CUL4A: variants seen among roughly 807,000 people sequenced by gnomAD.
CUL4A encodes the protein cullin 4A.
CUL4A carries 16 observed loss-of-function variants against 95.5 expected under a neutral mutation model. The ratio of observed to expected loss-of-function variants is 0.17; its 90% CI spans 0.11 to 0.25. The LOEUF (loss-of-function observed/expected upper bound fraction) is 0.25. Ranked by LOEUF, CUL4A falls within the 10% of genes least tolerant of loss-of-function variation. The pLI, the probability that CUL4A is intolerant of heterozygous loss-of-function variation, is 1.00. For missense variants in CUL4A, 610 were observed against 937.0 expected, an observed-to-expected ratio of 0.65 and a Z score of 4.56; for synonymous variants, 380 against 353.1, an observed-to-expected ratio of 1.08 and a Z score of -0.85.
upstream of CUL4A, chr13:113,209,491 T>C (rs986132214): frequency 1.4e-5 from 5 of 358,684 alleles, no homozygotes; most frequent in Non-Finnish European, 1.9e-5. Flanking sequence ...GCGGCGGCGG[T>C]TGGGCTCGGG....
chr13:113,251,332 C>T (rs1180699271), intron 15 of CUL4A, among the ~76,000 whole-genome samples: 4 of 152,136 alleles, frequency 2.6e-5, no homozygotes, highest in Admixed American at 6.5e-5. Context: ...GTGGAATGAT[C>T]GACTGAACTG....
At chr13:113,245,377 C>A in intron 14 of CUL4A, 140 bp downstream of exon 14, 1 of 735,850 alleles carries the variant, frequency 1.4e-6, no homozygotes. Flanking sequence ...CCCTGATCAA[C>A]ATAGCAAGAC....
Position 113,265,873 on chromosome 13 carries a change from G to T in CUL4A, c.*2291G>T, listed in dbSNP as rs1595445444. On this transcript the variant is annotated 3_prime_UTR_variant, in exon 20 of 20. Transcript: ENST00000375440. ...TGGAAAGGAGAAGGTGAAATTACTTGCAGGTTAGATGGTTGCATACCCAGG... is the reference window on the plus strand; with the variant it reads ...TGGAAAGGAGAAGGTGAAATTACTTTCAGGTTAGATGGTTGCATACCCAGG... 2 of 152,202 alleles carry T rather than the reference G, an allele frequency of 1.3e-5. No individual in the cohort carries two copies. Among genetic ancestry groups the T allele is most frequent in the Non-Finnish European group, 2.9e-5 (2 of 68,028 alleles). 9.4% of individuals were successfully genotyped at this position (152,202 alleles called of 1,614,324 possible).
At chr13:113,210,972 T>A (rs2040412660) in intron 2 of CUL4A, among the ~76,000 whole-genome samples, 1 of 152,344 alleles carries the variant, frequency 6.6e-6, no homozygotes, top group African/African-American at 2.4e-5. Context: ...TTACCAGCTT[T>A]GAGATAGAGT....
At position 113,237,255 on chromosome 13, in the gene CUL4A, C is replaced by T. The variant is rs144506038; in HGVS notation, c.916+365C>T. On this transcript the variant is annotated intron_variant, in intron 9 of 19. Coordinates refer to ENST00000375440, the MANE Select transcript of CUL4A (RefSeq NM_001008895.4). ...CATGCACACTCGGATGTAGGGGACTCGGGGAGCTGTTCGGGCTGTTAGATT... is the reference window on the plus strand; with the variant it reads ...CATGCACACTCGGATGTAGGGGACTTGGGGAGCTGTTCGGGCTGTTAGATT... Among the ~76,000 whole-genome samples, 605 of 152,290 alleles carry T rather than the reference C, an allele frequency of 4.0e-3. 1 individual carries two copies. The highest frequency in any genetic ancestry group is 0.01 in the Middle Eastern group (3 of 294).
chr13:113,227,920 AAAG>A, intron 3 of CUL4A, 53 bp from the exon 4 acceptor site: 1 of 1,220,404 alleles, frequency 8.2e-7, no homozygotes, highest in South Asian at 1.3e-5. Flanking sequence ...AAAAAAAAAA[AAAG>A]GTAATAATTA....
intron 2 of CUL4A, among the ~76,000 whole-genome samples, chr13:113,215,783 G>GCCA (rs2040654218): frequency 2.3e-5 from 2 of 85,830 alleles, no homozygotes; most frequent in African/African-American, 3.8e-5. Flanking sequence ...GGTCTCGTCT[G>GCCA]TGTGGCTGTG....
chr13:113,252,635 A>G (rs992882674), intron 15 of CUL4A, among the ~76,000 whole-genome samples: 1 of 152,264 alleles, frequency 6.6e-6, no homozygotes, highest in Non-Finnish European at 1.5e-5. Context: ...CAGCCCCTGC[A>G]CAGTGCAACG....
rs560677753 is a variant in CUL4A, at chr13:113,229,314, A to G, written c.439-132A>G. 89 of 687,656 alleles carry G rather than the reference A, an allele frequency of 1.3e-4. No homozygotes were observed. In the South Asian group the frequency reaches 1.5e-3, roughly 12 times the overall value. The allele number at this position is 687,656 out of a possible 1,614,324, so 42.6% of individuals were successfully genotyped here. A position where few individuals can be genotyped will look rare whatever the true frequency, so the allele number is the denominator to read the frequency against. ...AAAATTAACTTTAGAAAAAAAAAATAAAACATGAGGGCTGTGGTGGACAGG... is the reference window on the plus strand; with the variant it reads ...AAAATTAACTTTAGAAAAAAAAAATGAAACATGAGGGCTGTGGTGGACAGG... On this transcript the variant is annotated intron_variant, in intron 4 of 19. Transcript: ENST00000375440.
intron 7 of CUL4A, among the ~76,000 whole-genome samples, chr13:113,234,472 G>C (rs751608391): frequency 6.6e-6 from 1 of 152,154 alleles, no homozygotes; most frequent in South Asian, 2.1e-4. Flanking sequence ...CAAATGGTGC[G>C]TGCTACTGCC....
chr13:113,209,048 G>C (rs996415113), upstream of CUL4A: 6 of 315,448 alleles, frequency 1.9e-5, no homozygotes, highest in African/African-American at 1.2e-4. Context: ...AGGAGGGGGA[G>C]GGGGAGGGAC....
At chr13:113,246,106 C>G in intron 15 of CUL4A, 43 bp downstream of exon 15, 1 of 1,424,540 alleles carries the variant, frequency 7.0e-7, no homozygotes, top group Non-Finnish European at 9.8e-7. Flanking sequence ...GCTGTCATGC[C>G]CTTACCAGGC....
At chr13:113,258,569 A>G (rs896048187) in intron 18 of CUL4A, among the ~76,000 whole-genome samples, 3 of 152,200 alleles carry the variant, frequency 2.0e-5, no homozygotes, top group Non-Finnish European at 4.4e-5. Context: ...CATTCATTCA[A>G]CAAATACTTA....
intron 19 of CUL4A, among the ~76,000 whole-genome samples, chr13:113,261,459 C>T (rs1336879502): frequency 1.3e-5 from 2 of 152,152 alleles, no homozygotes; most frequent in Non-Finnish European, 2.9e-5. Context: ...TAGTCGAACA[C>T]TTAAGAGTCT....
At chr13:113,209,585 G>A (rs1490088291), upstream of CUL4A, 11 of 978,352 alleles carry the variant, frequency 1.1e-5, no homozygotes, top group Admixed American at 6.2e-5. Context: ...GAGCTCGGCG[G>A]GCGGCGGCGC....
intron 15 of CUL4A, 124 bp from the exon 16 acceptor site, chr13:113,252,958 G>A (rs936887663): frequency 3.9e-6 from 2 of 515,902 alleles, no homozygotes; most frequent in Non-Finnish European, 7.0e-6. Flanking sequence ...TCCAGAAAGT[G>A]TGAGAATATA....
chr13:113,216,684 T>A (rs575372758), intron 2 of CUL4A, among the ~76,000 whole-genome samples: 28 of 152,350 alleles, frequency 1.8e-4, no homozygotes, highest in African/African-American at 6.0e-4. Flanking sequence ...TATTTCTAAA[T>A]CTCAAAGTAT....
chr13:113,208,360 A>C, upstream of CUL4A: 2 of 1,432,106 alleles, frequency 1.4e-6, no homozygotes, highest in Admixed American at 5.7e-5. Flanking sequence ...CACCGCGACG[A>C]CTCCGCGATC....
chr13:113,229,635 T>C (rs1205640495), intron 5 of CUL4A, 116 bp downstream of exon 5: 2 of 832,458 alleles, frequency 2.4e-6, no homozygotes, highest in Non-Finnish European at 3.8e-6. Flanking sequence ...TGCCTTCCTT[T>C]CTTCAGCCAA....
Sources: gnomAD v4.1 joint callset for allele counts (sites outside exome capture counted in the v4.1 genomes callset) on GRCh38, gnomAD v4.1.1 for gene constraint, MANE v1.5 for transcripts, NCBI Gene and HGNC (gene_info 2026-07-23, HGNC 2026-07-21) for gene names.